ZNF595: variants seen among roughly 807,000 people sequenced by gnomAD.
ZNF595 encodes zinc finger protein 595.
A neutral mutation model predicts 19.4 loss-of-function variants in ZNF595; 9 were observed. The observed-to-expected ratio is 0.46, with a 90% CI of 0.28 to 0.81. The LOEUF is 0.81. ZNF595 is among the 30% of genes least tolerant of loss of function. The pLI is 0.11. For missense variants in ZNF595, 729 were observed against 736.0 expected, an observed-to-expected ratio of 0.99 and a Z score of 0.11; for synonymous variants, 255 against 255.9, an observed-to-expected ratio of 1.00 and a Z score of 0.03.
Position 87,096 on chromosome 4 carries a change from C to G in ZNF595, c.1592C>G (p.Ser531Cys). Residue 531 changes from serine to cysteine, a missense_variant, in exon 4 of 4, where the codon TCT becomes TGT. By Grantham distance (112) the Ser-to-Cys change is moderately radical. This residue lies in a region of ZNF595 where 729 missense variants were observed against 675.3 expected (regional missense o/e 1.08). Transcript: ENST00000610261. ...CTTATTATACACAGGAGCATTCATT[C>G]TGAACAAAAACTTTACAAATGTGAA... ...SGLIIHRSIHSEQKLYKCEEC... is the reference protein window; with the variant it reads ...SGLIIHRSIHCEQKLYKCEEC... The G allele has an allele frequency of 6.2e-7, 1 of 1,613,970 alleles. No individual in the cohort carries two copies. Among genetic ancestry groups the G allele is most frequent in the East Asian group, 2.2e-5 (1 of 44,882 alleles).
At chr4:79,193 A>G (rs1189096682) in intron 3 of ZNF595, among the ~76,000 whole-genome samples, 6 of 152,178 alleles carry the variant, frequency 3.9e-5, no homozygotes, top group Non-Finnish European at 8.8e-5. Flanking sequence ...GTGTAATTAT[A>G]TAATGTCTGT....
intron 3 of ZNF595, among the ~76,000 whole-genome samples, chr4:81,996 A>C (rs1282172495): frequency 2.0e-5 from 3 of 152,172 alleles, no homozygotes; most frequent in Admixed American, 2.0e-4. Flanking sequence ...ATTACTCTTC[A>C]TCTGACCATA....
At position 85,805 on chromosome 4, in the gene ZNF595, A is replaced by C. The variant is rs782331644; in HGVS notation, c.301A>C (p.Lys101Gln). The C allele has an allele frequency of 7.8e-5, 126 of 1,613,790 alleles. No individual in the cohort carries two copies. The highest frequency in any genetic ancestry group is 1.0e-4 in the Non-Finnish European group (119 of 1,179,866). ...IEDSFHKLILKRYEKCGHENL... is the reference protein window; with the variant it reads ...IEDSFHKLILQRYEKCGHENL... ...AGATTCATTCCACAAACTTATACTG[A>C]AAAGATACGAGAAATGTGGACATGA... The change falls in exon 4 of 4, where the codon AAA becomes CAA. Residue 101 changes from lysine to glutamine, a missense_variant. Transcript: ENST00000610261.
rs1323274328 is a variant in ZNF595 at position 87,520 on chromosome 4, A to G, written c.*69A>G. The G allele has an allele frequency of 7.5e-7, 1 of 1,327,654 alleles. No individual in the cohort carries two copies. Among genetic ancestry groups the G allele is most frequent in the Middle Eastern group, 1.9e-4 (1 of 5,162 alleles). 82.2% of individuals were successfully genotyped at this position (1,327,654 alleles called of 1,614,324 possible). On this transcript the variant is annotated 3_prime_UTR_variant, in exon 4 of 4. Coordinates refer to ENST00000610261, the MANE Select transcript of ZNF595 (RefSeq NM_182524.4). ...AAATAAATTGGAGAATATTGCTCCC[A>G]TATAAACTTGTATTATTTTTCTTAT...
rs548894326 is a variant in ZNF595 at position 86,028 on chromosome 4, G to A, written c.524G>A (p.Cys175Tyr). 3.7e-6 allele frequency: 6 copies of A among 1,609,852 alleles called. No homozygotes were observed. Among genetic ancestry groups the A allele is most frequent in the East Asian group, 4.5e-5 (2 of 44,734 alleles). The stretch of plus-strand genomic sequence containing the variant: ...CATACTGGAGAGAAACCCTTTAAAT[G>A]TACAGAATGTGGCAGATCGTTTTAC... ...IRHTGEKPFK[C>Y]TECGRSFYMS... Residue 175 changes from cysteine (C) to tyrosine (Y), a missense_variant, in exon 4 of 4, where the codon TGT (cysteine) becomes TAT (tyrosine). Physicochemically the swap from Cys to Tyr is radical, Grantham distance 194 (BLOSUM62 -2). This residue lies in a region of ZNF595 where 729 missense variants were observed against 675.3 expected (regional missense o/e 1.08). Transcript: ENST00000610261.
chr4:79,938 A>C (rs1205381988), intron 3 of ZNF595, among the ~76,000 whole-genome samples: 4 of 151,988 alleles, frequency 2.6e-5, no homozygotes, highest in Admixed American at 2.6e-4. Context: ...TAGAATGTTC[A>C]CCTTTTTAAT....
chr4:86,279 G>T lies in ZNF595; in HGVS notation c.775G>T (p.Glu259Ter), dbSNP rs879949408. The change falls in exon 4 of 4, where the codon GAA (glutamate) becomes TAA (stop). Residue 259 changes from glutamate to a stop codon, truncating the protein, a stop_gained. Coordinates refer to ENST00000610261, the MANE Select transcript of ZNF595 (RefSeq NM_182524.4). LOFTEE classifies it high-confidence loss of function. ...TACTGGAGAGAAACCCTACAAATGT[G>T]AAGAATGTGGCAAAGCCTTTACAAG... ...IHTGEKPYKC[E>*]ECGKAFTRST... The T allele has an allele frequency of 1.2e-6, 2 of 1,610,876 alleles. No homozygotes were observed. The highest frequency in any genetic ancestry group is 2.2e-5 in the East Asian group (1 of 44,770).
At chr4:75,808 T>G (rs1713634192) in intron 3 of ZNF595, among the ~76,000 whole-genome samples, 1 of 151,290 alleles carries the variant, frequency 6.6e-6, no homozygotes, top group African/African-American at 2.4e-5. Context: ...GGGGGTTTTT[T>G]GGTTGTTTTT....
At chr4:63,567 G>A (rs1007442267) in intron 3 of ZNF595, among the ~76,000 whole-genome samples, 2 of 151,264 alleles carry the variant, frequency 1.3e-5, no homozygotes, top group South Asian at 4.1e-4. Context: ...ATGAGACAGA[G>A]TCTCACTCTG....
chr4:78,487 A>C (rs1052332401), intron 3 of ZNF595, among the ~76,000 whole-genome samples: 1 of 152,202 alleles, frequency 6.6e-6, no homozygotes, highest in Non-Finnish European at 1.5e-5. Context: ...ATGTATAAAT[A>C]TTGCCCCTAC....
chr4:83,863 G>C (rs1206013824), intron 3 of ZNF595, among the ~76,000 whole-genome samples: 1 of 147,692 alleles, frequency 6.8e-6, no homozygotes, highest in African/African-American at 2.5e-5. Flanking sequence ...TGTGTGGATA[G>C]ATTTTTACTT....
chr4:66,765 G>A (rs1209237317), intron 3 of ZNF595, among the ~76,000 whole-genome samples: 22 of 152,194 alleles, frequency 1.4e-4, no homozygotes, highest in Non-Finnish European at 2.6e-4. Flanking sequence ...ACAGTGGTTT[G>A]TTTTTGAGTT....
At chr4:84,806 C>A (rs1157701562) in intron 3 of ZNF595, among the ~76,000 whole-genome samples, 1 of 151,968 alleles carries the variant, frequency 6.6e-6, no homozygotes. Context: ...TTCATCGATA[C>A]CTCATTTGTC....
At chr4:73,580 T>A (rs1448877794) in intron 3 of ZNF595, among the ~76,000 whole-genome samples, 1 of 152,222 alleles carries the variant, frequency 6.6e-6, no homozygotes, top group African/African-American at 2.4e-5. Flanking sequence ...GTAAGCTTTT[T>A]TGATAGGGCA....
In ZNF595 at chr4:87,408, T is replaced by TTACTG. The variant is rs782649454; in HGVS notation, c.1908_1912dup (p.His638LeufsTer15). 313 of 1,610,658 alleles carry TTACTG rather than the reference T, an allele frequency of 1.9e-4. 4 individuals are homozygous for TTACTG. In the South Asian group the frequency reaches 3.2e-3, roughly 16 times the overall value. On this transcript the variant is annotated frameshift_variant, in exon 4 of 4. Transcript: ENST00000610261. LOFTEE classifies it high-confidence loss of function. Reference sequence around the variant, plus strand: ...AAAGCTTTTAATCGGCCCTCAACCCTTACTGTACACAAGCGAATTCATACT... The same window carrying TTACTG: ...AAAGCTTTTAATCGGCCCTCAACCCTTACTGTACTGTACACAAGCGAATTCATACT...
intron 3 of ZNF595, among the ~76,000 whole-genome samples, chr4:78,659 G>C (rs1713773882): frequency 6.6e-6 from 1 of 152,120 alleles, no homozygotes; most frequent in African/African-American, 2.4e-5. Context: ...AACCTTTTTA[G>C]GTAGATGTAA....
chr4:75,234 A>G (rs567752874), intron 3 of ZNF595, among the ~76,000 whole-genome samples: 119 of 152,372 alleles, frequency 7.8e-4, no homozygotes, highest in African/African-American at 2.8e-3. Context: ...TGCTTCAATA[A>G]CAATATCCTA....
rs782523192 is a variant in ZNF595 at position 86,052 on chromosome 4, A to G, written c.548A>G (p.Tyr183Cys). The change falls in exon 4 of 4, where the codon TAC (tyrosine) becomes TGC (cysteine). Residue 183 changes from tyrosine to cysteine, a missense_variant. Physicochemically the swap from Tyr to Cys is radical, Grantham distance 194. Around this residue, in one of 2 missense-constraint regions of ZNF595, gnomAD observed 729 missense variants for 675.3 expected, o/e 1.08. Coordinates refer to ENST00000610261, the MANE Select transcript of ZNF595 (RefSeq NM_182524.4). ...TGTACAGAATGTGGCAGATCGTTTTACATGTCACACCTAACTCAACATACA... is the reference window on the plus strand; with the variant it reads ...TGTACAGAATGTGGCAGATCGTTTTGCATGTCACACCTAACTCAACATACA... The part of the protein sequence containing the change: ...FKCTECGRSF[Y>C]MSHLTQHTGI... 9 of 1,612,246 alleles carry G rather than the reference A, an allele frequency of 5.6e-6. No individual in the cohort carries two copies. The highest frequency in any genetic ancestry group is 7.6e-6 in the Non-Finnish European group (9 of 1,179,014).
chr4:74,934 G>A (rs1713584153), intron 3 of ZNF595, among the ~76,000 whole-genome samples: 1 of 152,004 alleles, frequency 6.6e-6, no homozygotes. Flanking sequence ...ATATTTATGT[G>A]CTTCTATATT....
Sources: gnomAD v4.1 joint callset for allele counts (sites outside exome capture counted in the v4.1 genomes callset) on GRCh38, gnomAD v4.1.1 for gene constraint, gnomAD v4.1.1 regional missense constraint, MANE v1.5 for transcripts, NCBI Gene and HGNC (gene_info 2026-07-23, HGNC 2026-07-21) for gene names.